The following CMTR1 variants were observed in gnomAD, a reference collection of about 807,000 sequenced individuals.
CMTR1 encodes cap methyltransferase 1.
Under a neutral mutation model 107.0 loss-of-function variants are expected in CMTR1, and 39 were observed. That is an observed-to-expected ratio of 0.36 (90% CI 0.28 to 0.48). The LOEUF is 0.48. Ranked by LOEUF, CMTR1 falls within the 20% of genes least tolerant of loss-of-function variation. The pLI, the probability that CMTR1 is intolerant of heterozygous loss-of-function variation, is 0.99. For missense variants in CMTR1, 672 were observed against 1,064.9 expected (o/e 0.63, Z 5.14); for synonymous variants, 366 against 379.5 (o/e 0.96, Z 0.41).
At chr6:37,476,439 C>T (rs116364232) in intron 20 of CMTR1, among the ~76,000 whole-genome samples, 11 of 152,250 alleles carry the variant, frequency 7.2e-5, no homozygotes, top group African/African-American at 2.2e-4. Flanking sequence ...TTAGGATGCA[C>T]GTGCTTCTGA....
At chr6:37,465,400 C>A (rs774424789) in intron 13 of CMTR1, among the ~76,000 whole-genome samples, 1 of 152,060 alleles carries the variant, frequency 6.6e-6, no homozygotes, top group Non-Finnish European at 1.5e-5. Context: ...TTTATTTTAA[C>A]CATTTGGTGC....
At chr6:37,428,041 AGAG>A in the CMTR1 span, among the ~76,000 whole-genome samples, 1 of 150,022 alleles carries the variant, frequency 6.7e-6, no homozygotes, top group Non-Finnish European at 1.5e-5. Flanking sequence ...AGAGAGAGAG[AGAG>A]AGAGAGAGAG....
upstream of CMTR1, among the ~76,000 whole-genome samples, chr6:37,431,012 C>CAAA (rs34543353): frequency 8.6e-4 from 43 of 50,252 alleles, no homozygotes; most frequent in African/African-American, 2.5e-3. Flanking sequence ...GACTCCGTCT[C>CAAA]AAAAAAAAAA....
chr6:37,472,024 A>C lies in CMTR1; in HGVS notation c.1620+120A>C. On this transcript the variant is annotated intron_variant, in intron 15 of 23. Transcript: ENST00000373451. This position sits in a 1 kb window ranked among gnomAD's most constrained non-coding sequence, Gnocchi z 4.1. ...GCATCCAAAAATATCTGCTACCCTCACAGCATCCCAGAGGTTGACATCTCG... is the reference window on the plus strand; with the variant it reads ...GCATCCAAAAATATCTGCTACCCTCCCAGCATCCCAGAGGTTGACATCTCG... The C allele has an allele frequency of 8.2e-6, 7 of 851,316 alleles. No individual in the cohort carries two copies. Among genetic ancestry groups the C allele is most frequent in the Non-Finnish European group, 1.3e-5 (7 of 547,440 alleles). 52.7% of individuals were successfully genotyped at this position (851,316 alleles called of 1,614,324 possible). A position where few individuals can be genotyped will look rare whatever the true frequency, so the allele number is the denominator to read the frequency against.
intron 2 of CMTR1, among the ~76,000 whole-genome samples, chr6:37,438,425 T>A (rs187351467): frequency 6.6e-6 from 1 of 152,034 alleles, no homozygotes; most frequent in East Asian, 1.9e-4. Context: ...TCCAGTTCCT[T>A]GTATGTGTCT....
At chr6:37,462,163 T>C in intron 12 of CMTR1, 61 bp downstream of exon 12, 1 of 1,589,816 alleles carries the variant, frequency 6.3e-7, no homozygotes, top group Non-Finnish European at 8.6e-7. Flanking sequence ...CAGCAAATCA[T>C]GGTGCATCTC....
chr6:37,450,325 T>C lies in CMTR1; in HGVS notation c.519T>C (p.Asp173=), dbSNP rs1165027219. The change falls in exon 5 of 24, where the codon GAT becomes GAC. Residue 173 remains aspartate, a synonymous_variant. Transcript: ENST00000373451. ...TEIPDTQEMS[D]WMVVGKRKMI... is the part of the protein sequence containing the mutation. ...TTCCTGACACTCAGGAAATGAGCGATTGGATGGTGGTGGGAAAGGTAGGCT... is the reference window on the plus strand; with the variant it reads ...TTCCTGACACTCAGGAAATGAGCGACTGGATGGTGGTGGGAAAGGTAGGCT... 1.2e-6 allele frequency: 2 copies of C among 1,613,970 alleles called. No homozygotes were observed. Among genetic ancestry groups the C allele is most frequent in the South Asian group, 1.1e-5 (1 of 91,076 alleles).
Position 37,480,604 on chromosome 6 carries a change from C to CA in CMTR1, c.*460dup. ...CCCTGAGTGGGTGGAGACCTGCTGT[C>CA]ATGAGCTGGCCAGGAGAACCTGCTA... On this transcript the variant is annotated 3_prime_UTR_variant, in exon 24 of 24. Transcript: ENST00000373451. 4 of 1,033,234 alleles carry CA rather than the reference C, an allele frequency of 3.9e-6. No individual in the cohort carries two copies. The highest frequency in any genetic ancestry group is 3.5e-6 in the Non-Finnish European group (3 of 861,364). 64.0% of individuals were successfully genotyped at this position (1,033,234 alleles called of 1,614,324 possible). A position where few individuals can be genotyped will look rare whatever the true frequency, so the allele number is the denominator to read the frequency against.
At chr6:37,447,279 G>A (rs375515819) in intron 4 of CMTR1, among the ~76,000 whole-genome samples, 79 of 152,264 alleles carry the variant, frequency 5.2e-4, no homozygotes, top group African/African-American at 1.3e-3. Flanking sequence ...AAGAAGTCCC[G>A]TGAATCTGCA....
At chr6:37,441,451 G>A (rs1581728875) in intron 2 of CMTR1, among the ~76,000 whole-genome samples, 1 of 150,642 alleles carries the variant, frequency 6.6e-6, no homozygotes, top group Non-Finnish European at 1.5e-5. Context: ...TTTAGCTCTT[G>A]TTGCCCAGGC....
At chr6:37,478,128 G>A (rs552881123) in intron 21 of CMTR1, among the ~76,000 whole-genome samples, 2 of 152,230 alleles carry the variant, frequency 1.3e-5, no homozygotes, top group African/African-American at 4.8e-5. Context: ...ATGGGCACCC[G>A]TGGTGTCAGA....
chr6:37,474,777 G>C (rs1320688486), intron 18 of CMTR1, 131 bp downstream of exon 18: 1 of 1,364,852 alleles, frequency 7.3e-7, no homozygotes, highest in Non-Finnish European at 9.9e-7. Context: ...CTGGGGTAAG[G>C]GTTTATAATG....
At chr6:37,426,298 AT>A in the CMTR1 span, among the ~76,000 whole-genome samples, 1 of 151,194 alleles carries the variant, frequency 6.6e-6, no homozygotes, top group Non-Finnish European at 1.5e-5. Flanking sequence ...TTTTCTGTTG[AT>A]TTATTTTTTC....
intron 14 of CMTR1, 77 bp downstream of exon 14, chr6:37,471,154 T>C (rs1183261270): frequency 7.5e-7 from 1 of 1,338,246 alleles, no homozygotes. Context: ...GCTGTTTGTT[T>C]TTTTCATTTC....
chr6:37,452,895 A>G, intron 6 of CMTR1, 152 bp from the exon 7 acceptor site: 2 of 671,042 alleles, frequency 3.0e-6, no homozygotes, highest in Non-Finnish European at 5.3e-6. Flanking sequence ...AGAGTTATTG[A>G]GCAGCCTGTG....
At chr6:37,479,052 G>A in intron 22 of CMTR1, 95 bp from the exon 23 acceptor site, 1 of 817,956 alleles carries the variant, frequency 1.2e-6, no homozygotes, top group Non-Finnish European at 2.0e-6. Flanking sequence ...GTGGGAGGCA[G>A]GAATAGGACC....
chr6:37,443,547 G>A (rs1160516945), intron 2 of CMTR1, among the ~76,000 whole-genome samples: 1 of 152,046 alleles, frequency 6.6e-6, no homozygotes, highest in Non-Finnish European at 1.5e-5. Context: ...TAGAGATAGG[G>A]TTTCACCATG....
intron 23 of CMTR1, 39 bp downstream of exon 23, chr6:37,479,294 C>G (rs1280933054): frequency 7.1e-7 from 1 of 1,408,986 alleles, no homozygotes; most frequent in Admixed American, 1.7e-5. Flanking sequence ...CCTTAGCAGC[C>G]TCAAGTACTC....
intron 13 of CMTR1, among the ~76,000 whole-genome samples, chr6:37,465,238 G>A (rs975824256): frequency 6.6e-6 from 1 of 151,424 alleles, no homozygotes; most frequent in Non-Finnish European, 1.5e-5. Flanking sequence ...TCGTACTCCA[G>A]CCTGGGCAAT....
Sources: allele counts gnomAD v4.1 joint callset (sites outside exome capture counted in the v4.1 genomes callset), GRCh38; gene constraint gnomAD v4.1.1; non-coding constraint Gnocchi (gnomAD v3.1); transcripts MANE v1.5; gene names NCBI Gene and HGNC (gene_info 2026-07-23, HGNC 2026-07-21).